The following NTNG1 variants were observed in gnomAD, a reference collection of about 807,000 sequenced individuals.
NTNG1 encodes the protein netrin-G1.
In NTNG1, 16 loss-of-function variants were observed where a neutral mutation model predicts 54.0. The ratio of observed to expected loss-of-function variants is 0.30; its 90% CI spans 0.20 to 0.45. The LOEUF (loss-of-function observed/expected upper bound fraction) is 0.45. Ranked by LOEUF, NTNG1 falls within the 20% of genes least tolerant of loss-of-function variation. The pLI is 1.00. For synonymous variants in NTNG1, 255 were observed against 263.1 expected (o/e 0.97, Z 0.30); for missense variants, 530 against 678.7 (o/e 0.78, Z 2.43).
intron 3 of NTNG1, among the ~76,000 whole-genome samples, chr1:107,374,836 T>G (rs994852461): frequency 2.0e-5 from 3 of 151,138 alleles, no homozygotes; most frequent in Non-Finnish European, 4.4e-5. Context: ...TTCTTTAGGG[T>G]TTTTTTTTCT....
chr1:107,330,612 A>G (rs1164338811), intron 3 of NTNG1, among the ~76,000 whole-genome samples: 2 of 152,170 alleles, frequency 1.3e-5, no homozygotes, highest in Non-Finnish European at 2.9e-5. Flanking sequence ...ACAGGCTTTT[A>G]GTTAATTCAT....
At chr1:107,430,996 A>T in intron 6 of NTNG1, 79 bp downstream of exon 6, 1 of 1,350,050 alleles carries the variant, frequency 7.4e-7, no homozygotes, top group Non-Finnish European at 1.0e-6. Flanking sequence ...GAGGCTGGCG[A>T]TTTGCACCGC....
intron 2 of NTNG1, among the ~76,000 whole-genome samples, chr1:107,244,787 C>T (rs761658699): frequency 2.0e-5 from 3 of 152,064 alleles, no homozygotes; most frequent in Non-Finnish European, 4.4e-5. Flanking sequence ...AAGAGTGTGG[C>T]GCGAACAGCA....
chr1:107,352,809 C>T (rs1353497729), intron 3 of NTNG1, among the ~76,000 whole-genome samples: 1 of 152,220 alleles, frequency 6.6e-6, no homozygotes, highest in Non-Finnish European at 1.5e-5. Flanking sequence ...GTTCTGTGCA[C>T]CTGCAGGCTT....
At chr1:107,158,813 G>A (rs920302767) in intron 2 of NTNG1, among the ~76,000 whole-genome samples, 2 of 152,074 alleles carry the variant, frequency 1.3e-5, no homozygotes, top group Admixed American at 6.6e-5. Context: ...GAAGCCTGCC[G>A]AGAAGTTAAA....
intron 2 of NTNG1, among the ~76,000 whole-genome samples, chr1:107,152,166 T>A (rs1654627610): frequency 6.6e-6 from 1 of 152,110 alleles, no homozygotes; most frequent in Non-Finnish European, 1.5e-5. Flanking sequence ...TTTGAGTTGA[T>A]GATGGCTAAA....
At chr1:107,199,884 T>C (rs917275040) in intron 2 of NTNG1, among the ~76,000 whole-genome samples, 1 of 151,888 alleles carries the variant, frequency 6.6e-6, no homozygotes, top group Non-Finnish European at 1.5e-5. Context: ...TCAATGTCTT[T>C]GTGATAATCC....
intron 2 of NTNG1, among the ~76,000 whole-genome samples, chr1:107,294,514 C>CA: frequency 6.6e-6 from 1 of 152,272 alleles, no homozygotes; most frequent in South Asian, 2.1e-4. Context: ...TTCCCTGCCC[C>CA]TCCACTACTA....
chr1:107,421,014 A>G (rs530107109), intron 5 of NTNG1: 2 of 1,074,178 alleles, frequency 1.9e-6, no homozygotes, highest in South Asian at 2.7e-5. Context: ...TGGGTTGGTG[A>G]TAAGTTATTA....
chr1:107,250,355 T>C (rs1662507204), intron 2 of NTNG1, among the ~76,000 whole-genome samples: 1 of 152,078 alleles, frequency 6.6e-6, no homozygotes, highest in Non-Finnish European at 1.5e-5. Context: ...AAGGAAGGCA[T>C]GGCAGGTGTG....
chr1:107,290,945 A>G (rs573950758), intron 2 of NTNG1, among the ~76,000 whole-genome samples: 22 of 144,796 alleles, frequency 1.5e-4, no homozygotes, highest in African/African-American at 5.7e-4. Context: ...GAGATATTTT[A>G]AAGTGCATAT....
In NTNG1 at chr1:107,480,102, C is replaced by A. The variant is rs372995182; in HGVS notation, c.1391-509C>A. On this transcript the variant is annotated intron_variant, in intron 7 of 7. Coordinates refer to ENST00000370068, the MANE Select transcript of NTNG1 (RefSeq NM_001113226.3). ...CACCCCTCCTCATCCCCATGCCTCC[C>A]GGTGGGTTCTGTCTTCATGCATGCA... 3.3e-5 allele frequency among the ~76,000 whole-genome samples: 5 copies of A among 152,126 alleles called. 1 individual carries two copies. The highest frequency in any genetic ancestry group is 1.2e-4 in the African/African-American group (5 of 41,518).
intron 3 of NTNG1, among the ~76,000 whole-genome samples, chr1:107,385,687 T>G (rs183539230): frequency 1.3e-3 from 204 of 152,232 alleles, no homozygotes; most frequent in Non-Finnish European, 2.0e-3. Context: ...GTAGGTATCT[T>G]ATTATCCTCA....
chr1:107,226,925 A>G (rs1443896331), intron 2 of NTNG1, among the ~76,000 whole-genome samples: 2 of 152,098 alleles, frequency 1.3e-5, no homozygotes, highest in Non-Finnish European at 2.9e-5. Flanking sequence ...TGCTTGGTGC[A>G]GCAACTGAGC....
intron 2 of NTNG1, among the ~76,000 whole-genome samples, chr1:107,219,640 G>A (rs1181435549): frequency 2.6e-5 from 4 of 152,174 alleles, no homozygotes; most frequent in Non-Finnish European, 5.9e-5. Context: ...CCCTAGGGAT[G>A]GGGCTTCCTG....
chr1:107,438,476 C>T (rs1216080850), intron 7 of NTNG1, among the ~76,000 whole-genome samples: 1 of 152,150 alleles, frequency 6.6e-6, no homozygotes, highest in Non-Finnish European at 1.5e-5. Flanking sequence ...CAGAGTGAAG[C>T]TATCAATCAT....
chr1:107,207,690 A>C (rs1285109008), intron 2 of NTNG1, among the ~76,000 whole-genome samples: 1 of 152,192 alleles, frequency 6.6e-6, no homozygotes, highest in Non-Finnish European at 1.5e-5. Flanking sequence ...ATGAGGTGAC[A>C]TATGTATCTC....
intron 2 of NTNG1, among the ~76,000 whole-genome samples, chr1:107,156,551 T>C (rs1258565960): frequency 1.3e-5 from 2 of 152,222 alleles, no homozygotes; most frequent in Non-Finnish European, 2.9e-5. Context: ...ATTAAAGTAA[T>C]ATTTCTGAAG....
intron 2 of NTNG1, among the ~76,000 whole-genome samples, chr1:107,159,454 AT>A (rs1655251839): frequency 6.6e-6 from 1 of 152,196 alleles, no homozygotes; most frequent in Admixed American, 6.5e-5. Context: ...AAGAACTTAC[AT>A]GGTGTCATGC....
Sources: gnomAD v4.1 joint callset for allele counts (sites outside exome capture counted in the v4.1 genomes callset) on GRCh38, gnomAD v4.1.1 for gene constraint, MANE v1.5 for transcripts, NCBI Gene and HGNC (gene_info 2026-07-23, HGNC 2026-07-21) for gene names.